COL28A1: variants seen among roughly 807,000 people sequenced by gnomAD.
COL28A1 encodes the protein collagen type XXVIII alpha 1 chain, also known as collagen alpha-1(XXVIII) chain.
Under a neutral mutation model 150.2 loss-of-function variants are expected in COL28A1, and 161 were observed. The observed-to-expected ratio is 1.07, with a 90% CI of 0.94 to 1.22. COL28A1 has a LOEUF of 1.22. COL28A1 is among the 50% of genes most tolerant of loss of function. The pLI, the probability that COL28A1 is intolerant of heterozygous loss-of-function variation, is 0.00. For synonymous variants in COL28A1, 552 were observed against 469.7 expected, an observed-to-expected ratio of 1.18 and a Z score of -2.26; for missense variants, 1,617 against 1,388.3, an observed-to-expected ratio of 1.16 and a Z score of -2.62.
rs577471253 is a variant in COL28A1 at position 7,407,612 on chromosome 7, GA to G, written c.2136+10246del. On this transcript the variant is annotated intron_variant, in intron 27 of 34. Transcript: ENST00000399429. ...TATCTTTTAAGAAGATATTAAGGAG[GA>G]AAAAAAGATACTTTCAGGCAAAGTA... Among the ~76,000 whole-genome samples, 94 of 151,692 alleles carry G rather than the reference GA, an allele frequency of 6.2e-4. 1 individual carries two copies. The highest frequency in any genetic ancestry group is 2.0e-3 in the African/African-American group (82 of 41,398).
upstream of COL28A1, among the ~76,000 whole-genome samples, chr7:7,536,254 G>C (rs930138028): frequency 1.3e-5 from 2 of 152,062 alleles, no homozygotes; most frequent in Non-Finnish European, 2.9e-5. Context: ...TGTTATTAAA[G>C]CTGGATGATG....
chr7:7,454,397 G>C (rs1483802689), intron 16 of COL28A1, among the ~76,000 whole-genome samples: 1 of 152,040 alleles, frequency 6.6e-6, no homozygotes, highest in Non-Finnish European at 1.5e-5. Flanking sequence ...TGTCTTAAAA[G>C]GTAAATAAAT....
chr7:7,400,309 A>C (rs1783100619), intron 27 of COL28A1, among the ~76,000 whole-genome samples: 2 of 152,196 alleles, frequency 1.3e-5, no homozygotes, highest in African/African-American at 4.8e-5. Flanking sequence ...AGCAAGGCAG[A>C]GGGAGATTTG....
At chr7:7,416,560 C>T (rs1784085765) in intron 27 of COL28A1, among the ~76,000 whole-genome samples, 1 of 152,190 alleles carries the variant, frequency 6.6e-6, no homozygotes, top group African/African-American at 2.4e-5. Context: ...ACCTTCTAAC[C>T]ACAGAATTTA....
chr7:7,340,176 G>C, the COL28A1 span, among the ~76,000 whole-genome samples: 1 of 152,030 alleles, frequency 6.6e-6, no homozygotes, highest in South Asian at 2.1e-4. Flanking sequence ...ATTTTTAGTA[G>C]AGACAGGTTT....
At chr7:7,453,299 T>C (rs933772681) in intron 17 of COL28A1, 141 bp downstream of exon 17, 10 of 652,670 alleles carry the variant, frequency 1.5e-5, no homozygotes, top group African/African-American at 3.8e-5. Context: ...TTGTCAGGAA[T>C]ATCAGTAACA....
chr7:7,396,612 C>T (rs1398536097), intron 27 of COL28A1, among the ~76,000 whole-genome samples: 1 of 152,168 alleles, frequency 6.6e-6, no homozygotes, highest in Non-Finnish European at 1.5e-5. Context: ...TTCAATAAAG[C>T]ACCCTATTTG....
chr7:7,374,841 T>C (rs1781459234), intron 31 of COL28A1, among the ~76,000 whole-genome samples: 1 of 152,202 alleles, frequency 6.6e-6, no homozygotes, highest in South Asian at 2.1e-4. Context: ...TATGCCTGCC[T>C]CTGACCACTT....
chr7:7,463,594 T>A (rs754951485), intron 15 of COL28A1, among the ~76,000 whole-genome samples: 1 of 152,098 alleles, frequency 6.6e-6, no homozygotes, highest in Non-Finnish European at 1.5e-5. Flanking sequence ...GAAGGAAAGA[T>A]ACAGTCTTTT....
At position 7,362,871 on chromosome 7, in the gene COL28A1, T is replaced by C. The variant is rs1245742609; in HGVS notation, c.3067-2343A>G. On this transcript the variant is annotated intron_variant, in intron 33 of 34. Coordinates refer to ENST00000399429, the MANE Select transcript of COL28A1 (RefSeq NM_001037763.3). ...TCTTGGTCCCTTATTTTCTTTTTTA[T>C]TTTTTATAGAGATAGGGTCTCGCTG... Among the ~76,000 whole-genome samples, 10 of 152,094 alleles carry C rather than the reference T, an allele frequency of 6.6e-5. No individual in the cohort carries two copies. In the East Asian group the frequency reaches 1.9e-3, roughly 29 times the overall value.
chr7:7,389,303 T>C (rs775420099), intron 27 of COL28A1, among the ~76,000 whole-genome samples: 2 of 152,150 alleles, frequency 1.3e-5, no homozygotes, highest in East Asian at 1.9e-4. Flanking sequence ...GACCAGATGG[T>C]TGTAGATGTA....
intron 30 of COL28A1, among the ~76,000 whole-genome samples, chr7:7,376,984 G>A (rs945217594): frequency 6.6e-6 from 1 of 152,076 alleles, no homozygotes; most frequent in African/African-American, 2.4e-5. Flanking sequence ...CTGTCAATTG[G>A]TAGAGCAAAA....
At chr7:7,338,434 G>T in the COL28A1 span, among the ~76,000 whole-genome samples, 1 of 151,834 alleles carries the variant, frequency 6.6e-6, no homozygotes. Context: ...GTATTCCTAG[G>T]TATTTTATTC....
chr7:7,374,748 A>T (rs995799592), intron 31 of COL28A1, among the ~76,000 whole-genome samples: 3 of 152,140 alleles, frequency 2.0e-5, no homozygotes, highest in Non-Finnish European at 2.9e-5. Context: ...GTCTCTCACT[A>T]GAGAGACTCC....
chr7:7,394,063 G>A (rs974639289), intron 27 of COL28A1, among the ~76,000 whole-genome samples: 5 of 152,092 alleles, frequency 3.3e-5, no homozygotes, highest in Admixed American at 6.5e-5. Context: ...CCCTGGTGGC[G>A]TAGGCACCCA....
chr7:7,487,882 T>G (rs1779712871), intron 13 of COL28A1, among the ~76,000 whole-genome samples: 1 of 152,120 alleles, frequency 6.6e-6, no homozygotes, highest in Admixed American at 6.5e-5. Context: ...CCTGCTTGGA[T>G]TCAAGCTGCC....
At chr7:7,455,495 G>T (rs1787075753) in intron 16 of COL28A1, among the ~76,000 whole-genome samples, 1 of 152,080 alleles carries the variant, frequency 6.6e-6, no homozygotes, top group Admixed American at 6.6e-5. Flanking sequence ...ACCAAGAGGG[G>T]CCAGGTGTCA....
chr7:7,373,328 C>A lies in COL28A1; in HGVS notation c.2578G>T (p.Asp860Tyr), dbSNP rs1466345777. Reference protein sequence around the residue: ...ANLKQFSSKDDFKLAVDNMQY... With the variant: ...ANLKQFSSKDYFKLAVDNMQY... ...ATGTTGTCCACAGCCAACTTGAAGT[C>A]ATCCTTGCTGGAGAACTGCTTCAAA... The change falls in exon 32 of 35, where the codon GAC becomes TAC. Residue 860 changes from aspartate (D) to tyrosine (Y), a missense_variant. Asp to Tyr is a radical substitution (Grantham distance 160). Transcript: ENST00000399429. This position sits in a 1 kb window ranked among gnomAD's most constrained non-coding sequence, Gnocchi z 4.1. The A allele has an allele frequency of 3.7e-6, 6 of 1,614,036 alleles. No homozygotes were observed. Among genetic ancestry groups the A allele is most frequent in the Admixed American group, 1.7e-5 (1 of 60,012 alleles).
intron 15 of COL28A1, among the ~76,000 whole-genome samples, chr7:7,474,070 A>AAT (rs58897994): frequency 0.23 from 32,543 of 142,826 alleles, 3,949 homozygotes; most frequent in Middle Eastern, 0.36. Flanking sequence ...ATATATATGG[A>AAT]ATATATATAT....
Sources: allele counts gnomAD v4.1 joint callset (sites outside exome capture counted in the v4.1 genomes callset), GRCh38; gene constraint gnomAD v4.1.1; non-coding constraint Gnocchi (gnomAD v3.1); transcripts MANE v1.5; gene names NCBI Gene and HGNC (gene_info 2026-07-23, HGNC 2026-07-21).